Variants in WDR41 observed in about 807,000 individuals in gnomAD.
WDR41 encodes the protein WD repeat-containing protein 41.
In WDR41, 63 loss-of-function variants were observed where a neutral mutation model predicts 69.3. The observed-to-expected ratio is 0.91, with a 90% CI of 0.74 to 1.12. The LOEUF is 1.12. Among genes scored for constraint, WDR41 ranks in the 50% most tolerant of loss-of-function variants. WDR41 has a pLI of 0.00. For synonymous variants in WDR41, 185 were observed against 192.1 expected (o/e 0.96, Z 0.31); for missense variants, 543 against 534.5 (o/e 1.02, Z -0.16).
intron 8 of WDR41, among the ~76,000 whole-genome samples, chr5:77,448,180 A>G (rs6888853): frequency 0.017 from 2,578 of 152,192 alleles, 66 homozygotes; most frequent in African/African-American, 0.056. Context: ...TGACCGGTGT[A>G]ATGGGCCGAA....
At chr5:77,504,642 C>A in intron 1 of WDR41, among the ~76,000 whole-genome samples, 1 of 151,954 alleles carries the variant, frequency 6.6e-6, no homozygotes, top group South Asian at 2.1e-4. Context: ...ACTGGCAAAC[C>A]GAATCCAGCA....
rs545871058 is a variant in WDR41 at position 77,463,036 on chromosome 5, G to T, written c.348+59C>A. On this transcript the variant is annotated intron_variant, in intron 4 of 12. Coordinates refer to ENST00000296679, the MANE Select transcript of WDR41 (RefSeq NM_018268.4). ...ACCCTATCAGCTAAAGACTAATAGT[G>T]TATGTAGTGGCTCCTTAGGCCACTA... The T allele has an allele frequency of 6.4e-6, 10 of 1,566,246 alleles. No individual in the cohort carries two copies. The Admixed American group carries it at 1.4e-4, about 21-fold the overall frequency.
At chr5:77,590,615 T>C (rs772032317) in intron 1 of WDR41, among the ~76,000 whole-genome samples, 5 of 152,130 alleles carry the variant, frequency 3.3e-5, no homozygotes, top group Non-Finnish European at 7.4e-5. Context: ...CTCTGTTAGA[T>C]AAAATAGCTG....
chr5:77,438,114 A>G, intron 10 of WDR41, 126 bp downstream of exon 10: 2 of 1,401,142 alleles, frequency 1.4e-6, no homozygotes, highest in African/African-American at 2.9e-5. Flanking sequence ...GGCATTCTCC[A>G]TTTCCAAAAG....
At chr5:77,566,938 T>C (rs553561087) in intron 1 of WDR41, among the ~76,000 whole-genome samples, 8 of 152,236 alleles carry the variant, frequency 5.3e-5, no homozygotes, top group African/African-American at 1.7e-4. Flanking sequence ...TTCTATCAGT[T>C]CATGTTAATG....
chr5:77,454,038 G>C, intron 5 of WDR41, 110 bp from the exon 6 acceptor site: 1 of 779,548 alleles, frequency 1.3e-6, no homozygotes. Flanking sequence ...ACTAGGTGGA[G>C]CTTATTTCTC....
At chr5:77,463,629 A>G (rs927479713) in intron 3 of WDR41, among the ~76,000 whole-genome samples, 2 of 152,212 alleles carry the variant, frequency 1.3e-5, no homozygotes, top group Non-Finnish European at 2.9e-5. Context: ...AAAAGTCACC[A>G]TAACAACTGT....
intron 1 of WDR41, among the ~76,000 whole-genome samples, chr5:77,593,415 T>C (rs61040146): frequency 6.6e-6 from 1 of 152,034 alleles, no homozygotes; most frequent in Non-Finnish European, 1.5e-5. Context: ...TATGGCAGCA[T>C]TACAAAAGAC....
chr5:77,476,560 A>C (rs1800942600), intron 2 of WDR41, among the ~76,000 whole-genome samples: 1 of 151,160 alleles, frequency 6.6e-6, no homozygotes. Context: ...AGAATTTCAT[A>C]TCCAGCCAAA....
At chr5:77,539,005 G>A (rs1363120214) in intron 1 of WDR41, among the ~76,000 whole-genome samples, 1 of 152,120 alleles carries the variant, frequency 6.6e-6, no homozygotes, top group Non-Finnish European at 1.5e-5. Context: ...TAAGATTAAG[G>A]TACCAGCCTG....
At chr5:77,458,244 T>C (rs1561741437) in intron 5 of WDR41, among the ~76,000 whole-genome samples, 1 of 152,090 alleles carries the variant, frequency 6.6e-6, no homozygotes. Flanking sequence ...CTTGACTAAG[T>C]TGATATTTTG....
chr5:77,450,257 G>GT (rs1202661456), intron 7 of WDR41, among the ~76,000 whole-genome samples: 1 of 152,140 alleles, frequency 6.6e-6, no homozygotes, highest in African/African-American at 2.4e-5. Context: ...TCTTACTCAT[G>GT]TAAGCATTGC....
chr5:77,457,503 G>A (rs1424957201), intron 5 of WDR41, among the ~76,000 whole-genome samples: 1 of 151,814 alleles, frequency 6.6e-6, no homozygotes, highest in Non-Finnish European at 1.5e-5. Flanking sequence ...ATAAATTTCT[G>A]CCCTATTTTC....
intron 1 of WDR41, among the ~76,000 whole-genome samples, chr5:77,615,396 A>G (rs1297571051): frequency 1.3e-5 from 2 of 152,296 alleles, no homozygotes; most frequent in East Asian, 3.9e-4. Flanking sequence ...TTAATATACT[A>G]CAACAGATTT....
intron 5 of WDR41, among the ~76,000 whole-genome samples, chr5:77,457,687 T>C (rs1799887499): frequency 6.6e-6 from 1 of 151,844 alleles, no homozygotes; most frequent in Non-Finnish European, 1.5e-5. Context: ...TCAACCCTTA[T>C]AAAAAATTTT....
At chr5:77,488,328 C>T (rs776974441) in intron 2 of WDR41, among the ~76,000 whole-genome samples, 34 of 152,118 alleles carry the variant, frequency 2.2e-4, no homozygotes, top group South Asian at 4.2e-4. Context: ...AGGCTGAGCA[C>T]GGTGGCTGAT....
intron 1 of WDR41, among the ~76,000 whole-genome samples, chr5:77,603,961 G>A (rs1442503878): frequency 6.6e-6 from 1 of 152,144 alleles, no homozygotes; most frequent in African/African-American, 2.4e-5. Context: ...ATACCATGCT[G>A]TTCTGATTAA....
At chr5:77,473,948 G>A (rs1394477502) in intron 2 of WDR41, among the ~76,000 whole-genome samples, 2 of 152,138 alleles carry the variant, frequency 1.3e-5, no homozygotes, top group Non-Finnish European at 2.9e-5. Context: ...TATACCCAAA[G>A]GATTATAAAT....
intron 1 of WDR41, among the ~76,000 whole-genome samples, chr5:77,508,687 T>C (rs974705527): frequency 1.3e-5 from 2 of 152,196 alleles, no homozygotes; most frequent in African/African-American, 2.4e-5. Flanking sequence ...TTTTTGGTAA[T>C]ATATTGTTTG....
Sources: gnomAD v4.1 joint callset for allele counts (sites outside exome capture counted in the v4.1 genomes callset) on GRCh38, gnomAD v4.1.1 for gene constraint, MANE v1.5 for transcripts, NCBI Gene and HGNC (gene_info 2026-07-23, HGNC 2026-07-21) for gene names.